Variants in KALRN observed in about 807,000 individuals in gnomAD.
The protein encoded by KALRN is kalirin.
A neutral mutation model predicts 353.7 loss-of-function variants in KALRN; 70 were observed. That is an observed-to-expected ratio of 0.20 (90% CI 0.16 to 0.24). The LOEUF is 0.24. Among genes scored for constraint, KALRN ranks in the 10% least tolerant of loss-of-function variants. KALRN has a pLI of 1.00. For synonymous variants in KALRN, 1,391 were observed against 1,434.8 expected (o/e 0.97, Z 0.69); for missense variants, 2,791 against 3,756.7 (o/e 0.74, Z 6.72).
At chr3:124,405,611 A>C (rs1249546206) in intron 13 of KALRN, among the ~76,000 whole-genome samples, 1 of 150,764 alleles carries the variant, frequency 6.6e-6, no homozygotes, top group Non-Finnish European at 1.5e-5. Flanking sequence ...GTTAATTGAC[A>C]GTTGTGATTA....
At chr3:124,445,004 A>G (rs1221775475) in intron 19 of KALRN, among the ~76,000 whole-genome samples, 1 of 152,150 alleles carries the variant, frequency 6.6e-6, no homozygotes, top group Non-Finnish European at 1.5e-5. Context: ...CCATCTTCGT[A>G]AAGCATAGAA....
At chr3:124,577,582 A>C (rs955127495) in intron 34 of KALRN, among the ~76,000 whole-genome samples, 1 of 152,208 alleles carries the variant, frequency 6.6e-6, no homozygotes, top group Non-Finnish European at 1.5e-5. Context: ...GATATTATAC[A>C]CTTTTGAAAA....
intron 34 of KALRN, among the ~76,000 whole-genome samples, chr3:124,594,196 A>C (rs1292386782): frequency 6.6e-6 from 1 of 152,114 alleles, no homozygotes; most frequent in Non-Finnish European, 1.5e-5. Context: ...CTTTCATTTA[A>C]TCTTCTGAAC....
At chr3:124,053,332 A>T (rs2041218499) in intron 1 of KALRN, among the ~76,000 whole-genome samples, 1 of 152,260 alleles carries the variant, frequency 6.6e-6, no homozygotes, top group South Asian at 2.1e-4. Context: ...AATTCTAGAT[A>T]GGAAACTACT....
At chr3:124,377,179 A>G (rs2086702575) in intron 10 of KALRN, among the ~76,000 whole-genome samples, 1 of 152,212 alleles carries the variant, frequency 6.6e-6, no homozygotes, top group Non-Finnish European at 1.5e-5. Flanking sequence ...TCTCATTTGT[A>G]AAATGAAATT....
chr3:124,219,717 C>T (rs934949720), intron 1 of KALRN, among the ~76,000 whole-genome samples: 18 of 152,008 alleles, frequency 1.2e-4, no homozygotes, highest in African/African-American at 4.3e-4. Flanking sequence ...GGGGGATGCT[C>T]CTTGGTCCAT....
At chr3:124,377,102 G>A (rs1163264413) in intron 10 of KALRN, among the ~76,000 whole-genome samples, 1 of 152,076 alleles carries the variant, frequency 6.6e-6, no homozygotes, top group Admixed American at 6.6e-5. Flanking sequence ...AGAGAGACTC[G>A]GCTTGCCATT....
rs1386781370 is a variant in KALRN at position 124,655,636 on chromosome 3, A to G, written c.5831A>G (p.Asp1944Gly). 9.3e-6 allele frequency: 15 copies of G among 1,614,110 alleles called. No individual in the cohort carries two copies. The highest frequency in any genetic ancestry group is 1.2e-5 in the Non-Finnish European group (14 of 1,179,942). ...VLNELVQTEK[D>G]YVKDLGIVVE... ...AATGAGCTGGTACAGACAGAGAAAG[A>G]CTATGTCAAGGATCTGGGCATTGTG... The change falls in exon 39 of 60, where the codon GAC becomes GGC. Residue 1944 changes from aspartate to glycine, a missense_variant. Physicochemically the swap from Asp to Gly is moderately conservative, Grantham distance 94. Coordinates refer to ENST00000682506, the MANE Select transcript of KALRN (RefSeq NM_001388419.1).
intron 34 of KALRN, among the ~76,000 whole-genome samples, chr3:124,566,800 A>G (rs66516543): frequency 0.088 from 13,350 of 152,282 alleles, 769 homozygotes; most frequent in Non-Finnish European, 0.12. Flanking sequence ...TGAGAATAAA[A>G]TGTTCCTCTG....
At chr3:124,249,767 C>T (rs1252259162) in intron 3 of KALRN, among the ~76,000 whole-genome samples, 3 of 152,294 alleles carry the variant, frequency 2.0e-5, no homozygotes, top group Admixed American at 1.3e-4. Context: ...AGACCTGGAG[C>T]CCTTGGTCCT....
At chr3:124,587,698 CTT>C (rs529810541) in intron 34 of KALRN, among the ~76,000 whole-genome samples, 1,240 of 75,426 alleles carry the variant, frequency 0.016, 1 homozygote, top group African/African-American at 0.028. Flanking sequence ...CCACCCTCCA[CTT>C]TTTTTTTTTT....
intron 1 of KALRN, among the ~76,000 whole-genome samples, chr3:124,038,136 A>T (rs2039604496): frequency 6.6e-6 from 1 of 152,162 alleles, no homozygotes; most frequent in Non-Finnish European, 1.5e-5. Flanking sequence ...AGAAATTCTT[A>T]TTGCAGAAGT....
chr3:124,646,563 G>T (rs930622874), intron 37 of KALRN, among the ~76,000 whole-genome samples: 9 of 151,476 alleles, frequency 5.9e-5, no homozygotes, highest in Non-Finnish European at 1.3e-4. Flanking sequence ...ACTAGTTTTT[G>T]TATTTTTAGT....
chr3:124,343,163 A>T (rs2081943130), intron 9 of KALRN, among the ~76,000 whole-genome samples: 1 of 152,198 alleles, frequency 6.6e-6, no homozygotes, highest in Non-Finnish European at 1.5e-5. Flanking sequence ...TCAGAGCAAT[A>T]TATATACACA....
At chr3:124,462,819 G>T in intron 25 of KALRN, 186 bp downstream of exon 25, 1 of 536,746 alleles carries the variant, frequency 1.9e-6, no homozygotes, top group South Asian at 2.4e-5. Context: ...CTAGTGGAGA[G>T]TAAAGTCAAG....
At chr3:124,599,837 C>G (rs1394854623) in intron 34 of KALRN, among the ~76,000 whole-genome samples, 1 of 152,198 alleles carries the variant, frequency 6.6e-6, no homozygotes, top group Non-Finnish European at 1.5e-5. Context: ...AATTCTACCC[C>G]TTTCCCAATT....
In KALRN at chr3:124,271,476, C is replaced by T. The variant is rs549467963; in HGVS notation, c.969+2221C>T. Among the ~76,000 whole-genome samples the T allele has an allele frequency of 3.3e-5, 5 of 152,324 alleles. No individual in the cohort carries two copies. In the South Asian group the frequency reaches 1.0e-3, roughly 32 times the overall value. ...TTCAACAGGGCAGTAATTGCTGTTA[C>T]ACCTATATGCTCTCAATCCATGTTC... On this transcript the variant is annotated intron_variant, in intron 5 of 59. Coordinates refer to ENST00000682506, the MANE Select transcript of KALRN (RefSeq NM_001388419.1).
intron 14 of KALRN, among the ~76,000 whole-genome samples, chr3:124,417,086 G>A (rs2092545416): frequency 6.6e-6 from 1 of 152,130 alleles, no homozygotes; most frequent in South Asian, 2.1e-4. Flanking sequence ...AGAGTAAACA[G>A]GAGCAATTTC....
intron 1 of KALRN, among the ~76,000 whole-genome samples, chr3:124,127,416 T>C (rs1161622415): frequency 7.9e-5 from 12 of 152,202 alleles, no homozygotes; most frequent in Admixed American, 7.9e-4. Context: ...CACTCCAATA[T>C]GTACCTGTGT....
Sources: allele counts gnomAD v4.1 joint callset (sites outside exome capture counted in the v4.1 genomes callset), GRCh38; gene constraint gnomAD v4.1.1; transcripts MANE v1.5; gene names NCBI Gene and HGNC (gene_info 2026-07-23, HGNC 2026-07-21).